CLSPN: variants seen among roughly 807,000 people sequenced by gnomAD.
CLSPN encodes the protein claspin, also known as claspin homolog.
Under a neutral mutation model 156.3 loss-of-function variants are expected in CLSPN, and 85 were observed. That is an observed-to-expected ratio of 0.54 (90% CI 0.46 to 0.65). CLSPN has a LOEUF of 0.65. CLSPN is among the 30% of genes least tolerant of loss of function. The pLI is 0.00. For missense variants in CLSPN, 1,407 were observed against 1,554.9 expected (o/e 0.90, Z 1.60); for synonymous variants, 534 against 542.4 (o/e 0.98, Z 0.22).
Position 35,738,113 on chromosome 1 carries a change from A to AAAAAAT in CLSPN, c.3559-17_3559-16insATTTTT. On this transcript the variant is annotated splice_polypyrimidine_tract_variant and intron_variant, in intron 21 of 24. Coordinates refer to ENST00000318121, the MANE Select transcript of CLSPN (RefSeq NM_022111.4). ...CCTGCTGTGCCTGAAAAAAAAAAAA[A>AAAAAAT]ATATATATATATATATATATATATA... 3 of 362,622 alleles carry AAAAAAT rather than the reference A, an allele frequency of 8.3e-6. No individual in the cohort carries two copies. The highest frequency in any genetic ancestry group is 1.1e-5 in the Non-Finnish European group (3 of 271,576). The allele number at this position is 362,622 out of a possible 1,614,324, so 22.5% of individuals were successfully genotyped here.
rs1340585038 is a variant in CLSPN, at chr1:35,764,452, T to C, written c.396A>G (p.Leu132=). The C allele has an allele frequency of 6.2e-7, 1 of 1,614,182 alleles. No individual in the cohort carries two copies. Among genetic ancestry groups the C allele is most frequent in the East Asian group, 2.2e-5 (1 of 44,876 alleles). ...AGTTTCCAGACTGAAGACTCAGCTC[T>C]AAGCAAGGTTTCACTTGCGCTTCAA... The part of the protein sequence containing the change: ...ENLEAQVKPC[L]ELSLQSGNST... Residue 132 remains leucine, a synonymous_variant, in exon 3 of 25, where the codon TTA becomes TTG. Transcript: ENST00000318121.
chr1:35,752,495 T>A (rs1642123439), intron 9 of CLSPN, among the ~76,000 whole-genome samples: 1 of 148,236 alleles, frequency 6.7e-6, no homozygotes, highest in South Asian at 2.1e-4. Context: ...GGAGAATCAC[T>A]TGAACCCAGG....
chr1:35,761,131 C>T lies in CLSPN; in HGVS notation c.969G>A (p.Arg323=). The change falls in exon 7 of 25, where the codon CGG becomes CGA. Residue 323 remains arginine (R), a synonymous_variant. Coordinates refer to ENST00000318121, the MANE Select transcript of CLSPN (RefSeq NM_022111.4). ...CCATGGCATTTCCGTGGCAAGTGGG[C>T]CGGGGTTTACGTTTGAAGAAATCAT... ...TIHDFFKRKP[R]PTCHGNAMAL... 2 of 1,613,402 alleles carry T rather than the reference C, an allele frequency of 1.2e-6. No homozygotes were observed. Among genetic ancestry groups the T allele is most frequent in the Non-Finnish European group, 1.7e-6 (2 of 1,179,502 alleles).
chr1:35,762,727 C>T (rs150079139), intron 4 of CLSPN, among the ~76,000 whole-genome samples: 78 of 152,130 alleles, frequency 5.1e-4, no homozygotes, highest in African/African-American at 1.8e-3. Context: ...TAATAACTCG[C>T]AGGAAGCTAA....
chr1:35,761,864 A>C (rs1020624371), intron 6 of CLSPN, 134 bp downstream of exon 6: 1 of 632,524 alleles, frequency 1.6e-6, no homozygotes, highest in Non-Finnish European at 2.8e-6. Context: ...CCTTTCACCA[A>C]GATCAATTCT....
chr1:35,762,375 T>G, intron 5 of CLSPN, 29 bp downstream of exon 5: 1 of 1,534,270 alleles, frequency 6.5e-7, no homozygotes, highest in Non-Finnish European at 9.0e-7. Flanking sequence ...AAGAGATCAG[T>G]GTGACTAATA....
intron 8 of CLSPN, among the ~76,000 whole-genome samples, chr1:35,759,508 A>G (rs904858515): frequency 6.6e-6 from 1 of 152,192 alleles, no homozygotes; most frequent in Admixed American, 6.5e-5. Flanking sequence ...TATCTCGCCC[A>G]TTAGAGTAAA....
At chr1:35,768,031 G>A (rs752914324) in intron 1 of CLSPN, among the ~76,000 whole-genome samples, 5 of 152,258 alleles carry the variant, frequency 3.3e-5, no homozygotes, top group Non-Finnish European at 5.9e-5. Flanking sequence ...ATGAACATCA[G>A]TAATGTAACA....
At chr1:35,760,120 C>T (rs968076801) in intron 8 of CLSPN, among the ~76,000 whole-genome samples, 2 of 152,228 alleles carry the variant, frequency 1.3e-5, no homozygotes, top group East Asian at 3.8e-4. Context: ...GCGTAAGCCA[C>T]CGCACCCAGC....
At chr1:35,737,294 T>C in intron 23 of CLSPN, 45 bp downstream of exon 23, 2 of 1,534,958 alleles carry the variant, frequency 1.3e-6, no homozygotes, top group Non-Finnish European at 1.8e-6. Context: ...TGGGCCTTTA[T>C]AACCTGTAGA....
At chr1:35,737,937 A>G in intron 22 of CLSPN, 55 bp downstream of exon 22, 2 of 987,906 alleles carry the variant, frequency 2.0e-6, no homozygotes, top group Non-Finnish European at 2.9e-6. Context: ...TCACCTCCAA[A>G]GCTCTACCAC....
At chr1:35,753,540 A>T (rs938633302) in intron 9 of CLSPN, among the ~76,000 whole-genome samples, 1 of 152,026 alleles carries the variant, frequency 6.6e-6, no homozygotes, top group Admixed American at 6.6e-5. Context: ...TAATAAGACA[A>T]ATGATATCTA....
intron 24 of CLSPN, among the ~76,000 whole-genome samples, chr1:35,725,702 C>A (rs993595034): frequency 6.6e-6 from 1 of 152,096 alleles, no homozygotes; most frequent in African/African-American, 2.4e-5. Flanking sequence ...GTGGCTCGTG[C>A]GGAGGGGGAG....
At position 35,763,965 on chromosome 1, in the gene CLSPN, A is replaced by G. The variant is rs909860311; in HGVS notation, c.582+301T>C. On this transcript the variant is annotated intron_variant, in intron 3 of 24. Coordinates refer to ENST00000318121, the MANE Select transcript of CLSPN (RefSeq NM_022111.4). ...GGGACTACGGCCACCACACCCAACTAATTTTTAAATTTTTTGTAGAGATGG... is the reference window on the plus strand; with the variant it reads ...GGGACTACGGCCACCACACCCAACTGATTTTTAAATTTTTTGTAGAGATGG... Among the ~76,000 whole-genome samples, 3 of 151,908 alleles carry G rather than the reference A, an allele frequency of 2.0e-5. 1 individual carries two copies. The highest frequency in any genetic ancestry group is 4.2e-4 in the South Asian group (2 of 4,816).
intron 1 of CLSPN, among the ~76,000 whole-genome samples, chr1:35,766,177 T>C (rs1571225045): frequency 2.0e-5 from 3 of 151,468 alleles, no homozygotes; most frequent in Non-Finnish European, 1.5e-5. Context: ...TCTATTTTAA[T>C]AGAGACAAGG....
At chr1:35,731,305 A>G (rs1021731688), downstream of CLSPN, among the ~76,000 whole-genome samples, 3 of 152,062 alleles carry the variant, frequency 2.0e-5, no homozygotes, top group African/African-American at 7.2e-5. Flanking sequence ...ATTATGCATT[A>G]GTCAGACAAA....
intron 15 of CLSPN, 69 bp from the exon 16 acceptor site, chr1:35,745,631 A>G (rs1641854250): frequency 3.6e-6 from 4 of 1,111,274 alleles, no homozygotes; most frequent in Non-Finnish European, 5.4e-6. Flanking sequence ...CCAGCCATCT[A>G]AAGTCATGCC....
At chr1:35,745,615 CT>C in intron 15 of CLSPN, 53 bp from the exon 16 acceptor site, 3 of 1,278,420 alleles carry the variant, frequency 2.3e-6, no homozygotes, top group East Asian at 2.3e-5. Context: ...GCTTTATACT[CT>C]TTTCCCAGCC....
intron 24 of CLSPN, among the ~76,000 whole-genome samples, chr1:35,726,484 T>G (rs1641193544): frequency 6.6e-6 from 1 of 152,002 alleles, no homozygotes; most frequent in African/African-American, 2.4e-5. Context: ...GTGGTGGTGG[T>G]GGGGGTGCGG....
Sources: gnomAD v4.1 joint callset for allele counts (sites outside exome capture counted in the v4.1 genomes callset) on GRCh38, gnomAD v4.1.1 for gene constraint, MANE v1.5 for transcripts, NCBI Gene and HGNC (gene_info 2026-07-23, HGNC 2026-07-21) for gene names.